The following MYT1L variants were observed in gnomAD, a reference collection of about 807,000 sequenced individuals.
MYT1L encodes the protein myelin transcription factor 1-like protein.
Under a neutral mutation model 126.7 loss-of-function variants are expected in MYT1L, and 12 were observed. The observed-to-expected ratio is 0.09, with a 90% CI of 0.06 to 0.15. The LOEUF (loss-of-function observed/expected upper bound fraction) is 0.15, where lower values mean the gene tolerates loss of function less well. Ranked by LOEUF, MYT1L falls within the 10% of genes least tolerant of loss-of-function variation. The pLI is 1.00. For synonymous variants in MYT1L, 541 were observed against 604.2 expected, an observed-to-expected ratio of 0.90 and a Z score of 1.53; for missense variants, 979 against 1,585.2, an observed-to-expected ratio of 0.62 and a Z score of 6.49.
chr2:2,200,154 C>T (rs547656120), intron 2 of MYT1L, among the ~76,000 whole-genome samples: 13 of 152,128 alleles, frequency 8.5e-5, no homozygotes, highest in Middle Eastern at 3.4e-3. Flanking sequence ...GTAGGCTGCT[C>T]GAGAGGTCCA....
intron 1 of MYT1L, among the ~76,000 whole-genome samples, chr2:2,308,220 A>G (rs1486227962): frequency 2.6e-5 from 4 of 151,552 alleles, no homozygotes; most frequent in Non-Finnish European, 5.9e-5. Context: ...CACTCTACCT[A>G]TACTCCACCT....
intron 18 of MYT1L, among the ~76,000 whole-genome samples, chr2:1,855,724 T>C (rs753109483): frequency 6.6e-6 from 1 of 152,088 alleles, no homozygotes; most frequent in Non-Finnish European, 1.5e-5. Flanking sequence ...TAAAAACAAC[T>C]GGAGAAAGAA....
intron 1 of MYT1L, among the ~76,000 whole-genome samples, chr2:2,291,429 C>T (rs1033978473): frequency 6.6e-6 from 1 of 152,196 alleles, no homozygotes; most frequent in Non-Finnish European, 1.5e-5. Context: ...ATTTAATCTA[C>T]AGGCATTTAC....
chr2:2,246,975 G>A (rs954685687), intron 2 of MYT1L, among the ~76,000 whole-genome samples: 1 of 152,174 alleles, frequency 6.6e-6, no homozygotes, highest in African/African-American at 2.4e-5. Flanking sequence ...ACTTCATAAT[G>A]AGAATGTAAT....
chr2:2,059,442 A>G lies in MYT1L; in HGVS notation c.-303-5319T>C, dbSNP rs563339606. ...ACCGCAGGAAGCACCCAATGGTCTCACTTTCCGTTTGTGTTGATGAGCAGA... is the reference window on the plus strand; with the variant it reads ...ACCGCAGGAAGCACCCAATGGTCTCGCTTTCCGTTTGTGTTGATGAGCAGA... On this transcript the variant is annotated intron_variant, in intron 3 of 24. Transcript: ENST00000647738. The surrounding 1 kb of genome is among the most constrained non-coding windows in gnomAD (Gnocchi z 4.7). Among the ~76,000 whole-genome samples, 1 of 152,114 alleles carries G rather than the reference A, an allele frequency of 6.6e-6. No homozygotes were observed. The highest frequency in any genetic ancestry group is 1.5e-5 in the Non-Finnish European group (1 of 68,018).
chr2:1,917,464 G>T lies in MYT1L; in HGVS notation c.1484-125C>A. The T allele has an allele frequency of 8.8e-7, 1 of 1,141,046 alleles. No homozygotes were observed. Among genetic ancestry groups the T allele is most frequent in the Non-Finnish European group, 1.2e-6 (1 of 805,502 alleles). The allele number at this position is 1,141,046 out of a possible 1,614,324, so 70.7% of individuals were successfully genotyped here. A position where few individuals can be genotyped will look rare whatever the true frequency, so the allele number is the denominator to read the frequency against. On this transcript the variant is annotated intron_variant, in intron 10 of 24. Coordinates refer to ENST00000647738, the MANE Select transcript of MYT1L (RefSeq NM_001303052.2). This position sits in a 1 kb window ranked among gnomAD's most constrained non-coding sequence, Gnocchi z 5.9. ...AAGCAGGTGTCGGGGGCTAGGCTGT[G>T]ACATCAGACTTTTGCTTAGATAGTT...
At chr2:2,046,160 A>C (rs1461905638) in intron 4 of MYT1L, among the ~76,000 whole-genome samples, 4 of 152,156 alleles carry the variant, frequency 2.6e-5, no homozygotes, top group Non-Finnish European at 5.9e-5. Context: ...CCCCCCAGGC[A>C]CCTAATTCCT....
At chr2:2,133,999 G>C (rs2082714622) in intron 3 of MYT1L, among the ~76,000 whole-genome samples, 1 of 152,194 alleles carries the variant, frequency 6.6e-6, no homozygotes, top group African/African-American at 2.4e-5. Context: ...TGATCCCCCA[G>C]CCATTTTCAC....
At chr2:1,992,816 A>G (rs2149578153) in intron 5 of MYT1L, among the ~76,000 whole-genome samples, 1 of 152,322 alleles carries the variant, frequency 6.6e-6, no homozygotes, top group Non-Finnish European at 1.5e-5. Flanking sequence ...AAGATTTAAA[A>G]TTATGATTTA....
chr2:2,211,818 AAAAC>A (rs1559351181), intron 2 of MYT1L, among the ~76,000 whole-genome samples: 6 of 149,582 alleles, frequency 4.0e-5, no homozygotes, highest in African/African-American at 7.5e-5. Flanking sequence ...AAAAAAAAAA[AAAAC>A]CAAACAAAAA....
chr2:2,063,705 G>A (rs1252407062), intron 3 of MYT1L, among the ~76,000 whole-genome samples: 1 of 152,138 alleles, frequency 6.6e-6, no homozygotes, highest in African/African-American at 2.4e-5. Context: ...TTAGCTGGGA[G>A]TGATGACACG....
chr2:2,233,443 C>T (rs976355389), intron 2 of MYT1L, among the ~76,000 whole-genome samples: 1 of 152,168 alleles, frequency 6.6e-6, no homozygotes, highest in Non-Finnish European at 1.5e-5. Context: ...AGTGCCCCTG[C>T]GGACCTCGCC....
At chr2:2,252,096 A>G (rs965838858) in intron 2 of MYT1L, among the ~76,000 whole-genome samples, 9 of 152,136 alleles carry the variant, frequency 5.9e-5, no homozygotes, top group Admixed American at 6.5e-5. Context: ...CGAATTCTCC[A>G]TTCCTCCTCT....
chr2:2,298,228 C>T (rs2095727211), intron 1 of MYT1L, among the ~76,000 whole-genome samples: 1 of 152,180 alleles, frequency 6.6e-6, no homozygotes, highest in Non-Finnish European at 1.5e-5. Flanking sequence ...CTCTGAGGCC[C>T]ATATACGTGG....
chr2:2,177,364 G>A (rs1269127409), intron 2 of MYT1L, among the ~76,000 whole-genome samples: 1 of 152,176 alleles, frequency 6.6e-6, no homozygotes, highest in Admixed American at 6.5e-5. Context: ...ATTATTTGTG[G>A]TAAATAGGCA....
At chr2:1,911,103 C>T (rs1345525016) in intron 12 of MYT1L, among the ~76,000 whole-genome samples, 8 of 152,180 alleles carry the variant, frequency 5.3e-5, no homozygotes, top group South Asian at 2.1e-4. Context: ...GAGGCCCTGA[C>T]GCTGCGGATG....
chr2:1,842,911 A>AGGCGCTTCCGCTTCCG (rs2041973301), intron 19 of MYT1L: 1 of 176,710 alleles, frequency 5.7e-6, no homozygotes, highest in South Asian at 1.2e-4. Context: ...TTCCGCTTCC[A>AGGCGCTTCCGCTTCCG]GGCGCTTCCG....
intron 2 of MYT1L, among the ~76,000 whole-genome samples, chr2:2,195,128 A>G (rs2092743635): frequency 6.6e-6 from 1 of 152,250 alleles, no homozygotes. Flanking sequence ...GCAGAGAGAA[A>G]TCCAGAGAGT....
rs560956617 is a variant in MYT1L at position 1,883,627 on chromosome 2, C to T, written c.2711+2912G>A. ...GAACGTCACAGCCAGGCAGGGCTCA[C>T]GGTGACCCTGTGAGGTCGACTCCTA... On this transcript the variant is annotated intron_variant, in intron 18 of 24. Transcript: ENST00000647738. Among the ~76,000 whole-genome samples the T allele has an allele frequency of 1.1e-4, 17 of 152,280 alleles. No individual in the cohort carries two copies. In the South Asian group the frequency reaches 2.3e-3, roughly 20 times the overall value.
Sources: allele counts gnomAD v4.1 joint callset (sites outside exome capture counted in the v4.1 genomes callset), GRCh38; gene constraint gnomAD v4.1.1; non-coding constraint Gnocchi (gnomAD v3.1); transcripts MANE v1.5; gene names NCBI Gene and HGNC (gene_info 2026-07-23, HGNC 2026-07-21).